Variants in LRP1B observed in about 807,000 individuals in gnomAD.
LRP1B encodes the protein LDL receptor related protein 1B.
Under a neutral mutation model 556.6 loss-of-function variants are expected in LRP1B, and 217 were observed. The observed-to-expected ratio is 0.39, with a 90% confidence interval of 0.35 to 0.44. The LOEUF is 0.44. Among genes scored for constraint, LRP1B ranks in the 20% least tolerant of loss-of-function variants. The pLI is 1.00. For missense variants in LRP1B, 5,053 were observed against 5,620.8 expected, an observed-to-expected ratio of 0.90 and a Z score of 3.23; for synonymous variants, 2,047 against 1,865.8, an observed-to-expected ratio of 1.10 and a Z score of -2.50.
At chr2:141,177,842 G>A (rs1435266665) in intron 7 of LRP1B, among the ~76,000 whole-genome samples, 1 of 152,038 alleles carries the variant, frequency 6.6e-6, no homozygotes, top group Non-Finnish European at 1.5e-5. Context: ...AGTTCAATTA[G>A]GACTTCTCAA....
At chr2:141,956,613 T>A (rs1289577154) in intron 1 of LRP1B, among the ~76,000 whole-genome samples, 5 of 152,154 alleles carry the variant, frequency 3.3e-5, no homozygotes, top group African/African-American at 9.6e-5. Context: ...CAGTCTTTTA[T>A]GTTTTATGCT....
At chr2:141,541,076 C>CT (rs34254214) in intron 2 of LRP1B, among the ~76,000 whole-genome samples, 14 of 152,028 alleles carry the variant, frequency 9.2e-5, no homozygotes, top group Admixed American at 8.5e-4. Context: ...AAACAAGGAG[C>CT]TTTTTTATAA....
intron 1 of LRP1B, among the ~76,000 whole-genome samples, chr2:141,819,379 T>G (rs1455918905): frequency 6.6e-6 from 1 of 152,204 alleles, no homozygotes; most frequent in Non-Finnish European, 1.5e-5. Flanking sequence ...GTACCTACTG[T>G]GTGATGAGCT....
chr2:141,863,933 T>C (rs1239827770), intron 1 of LRP1B, among the ~76,000 whole-genome samples: 6 of 152,166 alleles, frequency 3.9e-5, no homozygotes, highest in Non-Finnish European at 8.8e-5. Context: ...TAACACAATA[T>C]ATTGCCTATG....
At position 141,808,473 on chromosome 2, in the gene LRP1B, T is replaced by C. The variant is rs144017425; in HGVS notation, c.205+1806A>G. ...GATGTTGAAATACGGTCTCACTACT[T>C]GTATAATGTAGGGCCAAAGCATTTA... is the stretch of plus-strand genomic sequence containing the variant. On this transcript the variant is annotated intron_variant, in intron 2 of 90. Coordinates refer to ENST00000389484, the MANE Select transcript of LRP1B (RefSeq NM_018557.3). Among the ~76,000 whole-genome samples the C allele has an allele frequency of 2.1e-4, 32 of 152,226 alleles. No individual in the cohort carries two copies. The East Asian group carries it at 5.8e-3, about 28-fold the overall frequency.
chr2:141,899,965 C>T lies in LRP1B; in HGVS notation c.83-89564G>A, dbSNP rs1476076455. 2.0e-5 allele frequency among the ~76,000 whole-genome samples: 3 copies of T among 151,936 alleles called. No homozygotes were observed. The East Asian group carries it at 5.8e-4, about 30-fold the overall frequency. On this transcript the variant is annotated intron_variant, in intron 1 of 90. Transcript: ENST00000389484. ...AAATGTCTTACTGAGCTGAGAGGTA[C>T]AAAGTGCAACCTGGAATACCTCCGT...
At position 141,482,468 on chromosome 2, in the gene LRP1B, CAAT is replaced by C. The variant is rs563941319; in HGVS notation, c.206-1938_206-1936del. On this transcript the variant is annotated intron_variant, in intron 2 of 90. Transcript: ENST00000389484. ...TAACATGCTTCTGTAACTTGAGTAT[CAAT>C]ATTTCTAAAAATATATCTTTATTTC... Among the ~76,000 whole-genome samples the C allele has an allele frequency of 7.5e-4, 114 of 151,996 alleles. No individual in the cohort carries two copies. In the East Asian group the frequency reaches 0.02, roughly 26 times the overall value.
chr2:140,516,970 G>T lies in LRP1B; in HGVS notation c.8068C>A (p.Pro2690Thr), dbSNP rs2104939424. 3 of 1,600,242 alleles carry T rather than the reference G, an allele frequency of 1.9e-6. No individual in the cohort carries two copies. Among genetic ancestry groups the T allele is most frequent in the South Asian group, 2.2e-5 (2 of 90,820 alleles). The change falls in exon 50 of 91, where the codon CCT becomes ACT. Residue 2690 changes from proline (P) to threonine (T), a missense_variant. Pro to Thr is a conservative substitution (Grantham distance 38). This residue lies in a region of LRP1B where 3,619 missense variants were observed against 3,931.9 expected (regional missense o/e 0.92). Coordinates refer to ENST00000389484, the MANE Select transcript of LRP1B (RefSeq NM_018557.3). The part of the protein sequence containing the change: ...HKCEENYFSC[P>T]SGRCILNTWI... ...GTATTCAAAATGCATCTTCCACTAG[G>T]ACAACTAAAATAATTTTCTTCACAT...
At chr2:141,096,688 G>C (rs1410061684) in intron 7 of LRP1B, among the ~76,000 whole-genome samples, 1 of 107,872 alleles carries the variant, frequency 9.3e-6, no homozygotes, top group East Asian at 5.6e-4. Context: ...GAGAGAGAGA[G>C]AGAAAATAAA....
At chr2:141,489,641 G>A (rs188424845) in intron 2 of LRP1B, among the ~76,000 whole-genome samples, 1 of 152,096 alleles carries the variant, frequency 6.6e-6, no homozygotes, top group African/African-American at 2.4e-5. Flanking sequence ...TCCCAGAACA[G>A]TGTTTATTTC....
At chr2:141,565,462 G>A (rs1175476656) in intron 2 of LRP1B, among the ~76,000 whole-genome samples, 1 of 152,226 alleles carries the variant, frequency 6.6e-6, no homozygotes, top group African/African-American at 2.4e-5. Flanking sequence ...CAGAGAAAGA[G>A]TCTGCAATAC....
At chr2:141,053,706 T>A (rs557716102) in intron 10 of LRP1B, among the ~76,000 whole-genome samples, 2 of 152,154 alleles carry the variant, frequency 1.3e-5, no homozygotes, top group South Asian at 4.1e-4. Context: ...TTGTTTCTGA[T>A]GACTTTCAAT....
chr2:141,771,782 A>C (rs932976041), intron 2 of LRP1B, among the ~76,000 whole-genome samples: 1 of 152,064 alleles, frequency 6.6e-6, no homozygotes, highest in African/African-American at 2.4e-5. Flanking sequence ...GAGACATAAG[A>C]AAGATGATCT....
intron 7 of LRP1B, among the ~76,000 whole-genome samples, chr2:141,121,786 AT>A (rs36194408): frequency 0.29 from 44,603 of 151,940 alleles, 6,792 homozygotes; most frequent in East Asian, 0.48. Context: ...AAGAGCCCTC[AT>A]TGCCAAGACA....
At chr2:141,665,939 C>A (rs956111338) in intron 2 of LRP1B, among the ~76,000 whole-genome samples, 2 of 151,786 alleles carry the variant, frequency 1.3e-5, no homozygotes, top group Admixed American at 1.3e-4. Context: ...GGGAGGGGAA[C>A]AACACACATG....
At chr2:141,928,364 A>G (rs1330731995) in intron 1 of LRP1B, among the ~76,000 whole-genome samples, 1 of 152,196 alleles carries the variant, frequency 6.6e-6, no homozygotes, top group African/African-American at 2.4e-5. Flanking sequence ...TTTAAATAAT[A>G]TCATGGCATT....
At chr2:140,241,644 C>G (rs956965743) in intron 87 of LRP1B, among the ~76,000 whole-genome samples, 3 of 150,666 alleles carry the variant, frequency 2.0e-5, no homozygotes, top group Non-Finnish European at 4.5e-5. Flanking sequence ...TTTATGTAAC[C>G]AATCAAAGTA....
chr2:140,827,545 G>T (rs941862549), intron 31 of LRP1B, among the ~76,000 whole-genome samples: 3 of 151,596 alleles, frequency 2.0e-5, no homozygotes, highest in African/African-American at 2.4e-5. Context: ...CTTAAAGAGA[G>T]GCTATCAGAA....
chr2:140,644,754 T>C (rs984425280), intron 41 of LRP1B, among the ~76,000 whole-genome samples: 4 of 152,088 alleles, frequency 2.6e-5, no homozygotes, highest in African/African-American at 9.7e-5. Flanking sequence ...GGTGCAAACT[T>C]CGCTGTCCTG....
Sources: gnomAD v4.1 joint callset for allele counts (sites outside exome capture counted in the v4.1 genomes callset) on GRCh38, gnomAD v4.1.1 for gene constraint, gnomAD v4.1.1 regional missense constraint, MANE v1.5 for transcripts, NCBI Gene and HGNC (gene_info 2026-07-23, HGNC 2026-07-21) for gene names.